Variants in LYRM4 observed in about 807,000 individuals in gnomAD.
LYRM4 encodes LYR motif containing 4.
A neutral mutation model predicts 11.7 loss-of-function variants in LYRM4; 9 were observed. The ratio of observed to expected loss-of-function variants is 0.77; its 90% CI spans 0.46 to 1.34. The LOEUF (loss-of-function observed/expected upper bound fraction) is 1.34. Among genes scored for constraint, LYRM4 ranks in the 40% most tolerant of loss-of-function variants. The probability of loss-of-function intolerance (pLI) is 0.00; values close to 1 mark genes in which losing one functional copy is unlikely to be tolerated. For missense variants in LYRM4, 133 were observed against 112.5 expected (o/e 1.18, Z -0.82); for synonymous variants, 42 against 40.4 (o/e 1.04, Z -0.15).
chr6:5,237,218 T>A (rs922535419), intron 1 of LYRM4, among the ~76,000 whole-genome samples: 2 of 152,132 alleles, frequency 1.3e-5, no homozygotes, highest in African/African-American at 4.8e-5. Context: ...TTATAGCCAC[T>A]CCCCATCGCT....
Position 5,236,016 on chromosome 6 carries a change from A to G in LYRM4, c.87-19278T>C, listed in dbSNP as rs114719573. Among the ~76,000 whole-genome samples the G allele has an allele frequency of 1.3e-3, 200 of 152,358 alleles. 1 individual carries two copies. Among genetic ancestry groups the G allele is most frequent in the African/African-American group, 4.6e-3 (191 of 41,588 alleles). ...GAGGGAACTCTATGTCAACAAAACT[A>G]TGACCACTCTACAAGAACAAAGTAC... On this transcript the variant is annotated intron_variant, in intron 1 of 2. Coordinates refer to ENST00000330636, the MANE Select transcript of LYRM4 (RefSeq NM_020408.6).
the LYRM4 span, among the ~76,000 whole-genome samples, chr6:5,047,466 T>A: frequency 6.6e-6 from 1 of 152,244 alleles, no homozygotes; most frequent in African/African-American, 2.4e-5. Flanking sequence ...TCCATCCTGA[T>A]GAGGTCTCCT....
chr6:5,081,054 T>C, the LYRM4 span, among the ~76,000 whole-genome samples: 2 of 150,304 alleles, frequency 1.3e-5, no homozygotes, highest in African/African-American at 2.5e-5. Flanking sequence ...ACGGTAAAGC[T>C]TGGAGCCTCT....
At chr6:5,041,419 T>G in the LYRM4 span, among the ~76,000 whole-genome samples, 97 of 152,358 alleles carry the variant, frequency 6.4e-4, 3 homozygotes, top group Middle Eastern at 6.8e-3. Flanking sequence ...TAAGATGTTC[T>G]CTCTAAAGGC....
chr6:5,246,075 T>C (rs1764183552), intron 1 of LYRM4, among the ~76,000 whole-genome samples: 1 of 152,190 alleles, frequency 6.6e-6, no homozygotes, highest in Admixed American at 6.5e-5. Flanking sequence ...TGTTGGGCAG[T>C]TTCAGAGTGC....
intron 2 of LYRM4, among the ~76,000 whole-genome samples, chr6:5,156,590 G>A (rs990418850): frequency 2.0e-5 from 3 of 152,250 alleles, no homozygotes; most frequent in Admixed American, 1.3e-4. Context: ...GAAGGACTTC[G>A]AGTCTGGATG....
At chr6:5,118,241 C>G (rs1311349481) in intron 2 of LYRM4, among the ~76,000 whole-genome samples, 1 of 151,656 alleles carries the variant, frequency 6.6e-6, no homozygotes, top group Non-Finnish European at 1.5e-5. Context: ...CTCAGCTTCT[C>G]GAGTAGCTGG....
At chr6:5,129,482 C>T (rs556437268) in intron 2 of LYRM4, among the ~76,000 whole-genome samples, 16 of 152,204 alleles carry the variant, frequency 1.1e-4, no homozygotes, top group Admixed American at 3.3e-4. Flanking sequence ...GCTTCATCCT[C>T]GAAGCAGCCG....
chr6:5,240,200 C>T (rs1181334193), intron 1 of LYRM4, among the ~76,000 whole-genome samples: 1 of 152,126 alleles, frequency 6.6e-6, no homozygotes, highest in East Asian at 1.9e-4. Context: ...TTCTCTACGT[C>T]TGCTTGTTCC....
chr6:5,253,689 C>T (rs76429501), intron 1 of LYRM4, among the ~76,000 whole-genome samples: 6,777 of 152,156 alleles, frequency 0.045, 224 homozygotes, highest in East Asian at 0.1. Flanking sequence ...TGTCACCGAC[C>T]AATTGAGAGC....
chr6:5,163,970 T>C (rs1758921287), intron 2 of LYRM4, among the ~76,000 whole-genome samples: 1 of 152,134 alleles, frequency 6.6e-6, no homozygotes, highest in Non-Finnish European at 1.5e-5. Context: ...AGTATTCTAA[T>C]CTATAAACAT....
chr6:5,204,102 C>T (rs893052822), intron 2 of LYRM4, among the ~76,000 whole-genome samples: 13 of 152,178 alleles, frequency 8.5e-5, no homozygotes, highest in African/African-American at 3.1e-4. Context: ...AGTCATTTGC[C>T]TAAACTCATA....
At chr6:5,090,015 G>GACCCACACAC in the LYRM4 span, among the ~76,000 whole-genome samples, 1 of 149,632 alleles carries the variant, frequency 6.7e-6, no homozygotes, top group Non-Finnish European at 1.5e-5. The surrounding 1 kb of genome is among the most constrained non-coding windows in gnomAD (Gnocchi z 4.8). Context: ...CTGAAAGGAA[G>GACCCACACAC]ACACACACAC....
At chr6:5,095,703 C>T in the LYRM4 span, among the ~76,000 whole-genome samples, 1 of 152,126 alleles carries the variant, frequency 6.6e-6, no homozygotes, top group Non-Finnish European at 1.5e-5. Flanking sequence ...ATTGGCTGGG[C>T]GTGGTGGCTC....
chr6:5,180,324 G>A (rs1169526926), intron 2 of LYRM4, among the ~76,000 whole-genome samples: 2 of 152,138 alleles, frequency 1.3e-5, no homozygotes, highest in Non-Finnish European at 2.9e-5. Flanking sequence ...CTGTTATCTC[G>A]TGATTTCCTT....
rs150536210 is a variant in LYRM4, at chr6:5,174,092, C to T, written c.207+42526G>A. 6.9e-4 allele frequency among the ~76,000 whole-genome samples: 105 copies of T among 152,296 alleles called. 4 individuals carry two copies. In the East Asian group the frequency reaches 0.013, roughly 19 times the overall value. On this transcript the variant is annotated intron_variant, in intron 2 of 2. Transcript: ENST00000330636. ...AAAGTGCAGAAAGCTGCCTCCTCTT[C>T]GCTCTCTCAGTTCTCTTTTGTTGTC...
At chr6:5,224,166 T>C (rs1762744976) in intron 1 of LYRM4, among the ~76,000 whole-genome samples, 2 of 152,144 alleles carry the variant, frequency 1.3e-5, no homozygotes, top group South Asian at 4.1e-4. Flanking sequence ...GAAACAAATA[T>C]CACAAAATAT....
intron 1 of LYRM4, among the ~76,000 whole-genome samples, chr6:5,260,114 T>C (rs1215879330): frequency 6.6e-6 from 1 of 152,208 alleles, no homozygotes; most frequent in Non-Finnish European, 1.5e-5. Flanking sequence ...CTTTTTCCTT[T>C]TCCGCTACGC....
At chr6:5,231,024 C>A (rs1220559308) in intron 1 of LYRM4, among the ~76,000 whole-genome samples, 1 of 152,108 alleles carries the variant, frequency 6.6e-6, no homozygotes, top group Non-Finnish European at 1.5e-5. Context: ...CGCCTGTAAT[C>A]CCAGCACTTT....
Sources: allele counts gnomAD v4.1 joint callset (sites outside exome capture counted in the v4.1 genomes callset), GRCh38; gene constraint gnomAD v4.1.1; non-coding constraint Gnocchi (gnomAD v3.1); transcripts MANE v1.5; gene names NCBI Gene and HGNC (gene_info 2026-07-23, HGNC 2026-07-21).